The following RNF121 variants were observed in gnomAD, a reference collection of about 807,000 sequenced individuals.
RNF121 encodes ring finger protein 121, also known as E3 ubiquitin ligase RNF121.
RNF121 carries 21 observed loss-of-function variants against 46.5 expected under a neutral mutation model. The observed-to-expected ratio is 0.45, with a 90% confidence interval of 0.32 to 0.65. The LOEUF is 0.65. Ranked by LOEUF, RNF121 falls within the 30% of genes least tolerant of loss-of-function variation. The probability of loss-of-function intolerance (pLI) is 0.04; values close to 1 mark genes in which losing one functional copy is unlikely to be tolerated. For synonymous variants in RNF121, 139 were observed against 144.7 expected, an observed-to-expected ratio of 0.96 and a Z score of 0.28; for missense variants, 346 against 416.0, an observed-to-expected ratio of 0.83 and a Z score of 1.46.
At chr11:71,984,885 C>T (rs1394536658) in intron 4 of RNF121, among the ~76,000 whole-genome samples, 1 of 151,024 alleles carries the variant, frequency 6.6e-6, no homozygotes, top group East Asian at 1.9e-4. Context: ...CCACGCCCAG[C>T]CCTGTAACTA....
chr11:71,985,230 A>G (rs1954749952), intron 4 of RNF121, among the ~76,000 whole-genome samples: 2 of 152,160 alleles, frequency 1.3e-5, no homozygotes. Context: ...CCTGCCCTCA[A>G]AGCACTTTTG....
intron 3 of RNF121, among the ~76,000 whole-genome samples, chr11:71,980,575 G>C (rs760520410): frequency 1.3e-4 from 20 of 152,132 alleles, no homozygotes; most frequent in Admixed American, 7.9e-4. Context: ...TTAAACTCCT[G>C]ACCTAAGGTG....
chr11:71,982,611 T>C (rs1954688198), intron 3 of RNF121, 150 bp from the exon 4 acceptor site: 1 of 740,282 alleles, frequency 1.4e-6, no homozygotes, highest in Non-Finnish European at 2.1e-6. Context: ...CCTAAGTCTC[T>C]GACTTGGATC....
chr11:71,980,317 T>A (rs1954622714), intron 3 of RNF121, among the ~76,000 whole-genome samples: 1 of 149,276 alleles, frequency 6.7e-6, no homozygotes, highest in African/African-American at 2.5e-5. Context: ...TTCTGTTCTC[T>A]TCTCACTGTT....
intron 4 of RNF121, 175 bp downstream of exon 4, chr11:71,983,090 T>TA (rs1286532877): frequency 3.5e-5 from 16 of 455,940 alleles, no homozygotes; most frequent in Middle Eastern, 5.6e-4. Context: ...ATTTATCGAT[T>TA]AAAAACCTCA....
chr11:71,969,813 C>T (rs191701674), intron 3 of RNF121, among the ~76,000 whole-genome samples: 2 of 152,206 alleles, frequency 1.3e-5, no homozygotes, highest in Non-Finnish European at 2.9e-5. Flanking sequence ...GCAGTCCTCC[C>T]ACCTTGGCCT....
At chr11:71,935,139 C>G (rs1590764586) in intron 1 of RNF121, among the ~76,000 whole-genome samples, 1 of 152,072 alleles carries the variant, frequency 6.6e-6, no homozygotes, top group Non-Finnish European at 1.5e-5. Context: ...CACCATGTTG[C>G]TCAGACTGGT....
chr11:71,961,930 T>C (rs1165276813), intron 3 of RNF121, among the ~76,000 whole-genome samples: 1 of 151,864 alleles, frequency 6.6e-6, no homozygotes, highest in Non-Finnish European at 1.5e-5. Context: ...TATGTAGAAA[T>C]ATTTTTAATT....
intron 6 of RNF121, among the ~76,000 whole-genome samples, chr11:71,994,263 G>C (rs190069417): frequency 6.6e-6 from 1 of 152,178 alleles, no homozygotes; most frequent in Non-Finnish European, 1.5e-5. Flanking sequence ...ACAAATGTCT[G>C]AGAATGCCCT....
At chr11:71,957,577 A>G (rs1240212794) in intron 2 of RNF121, among the ~76,000 whole-genome samples, 1 of 152,230 alleles carries the variant, frequency 6.6e-6, no homozygotes, top group East Asian at 1.9e-4. Flanking sequence ...GAGGATCATA[A>G]CAATATCTAT....
At chr11:71,995,386 A>C (rs1954953759) in intron 7 of RNF121, 64 bp from the exon 8 acceptor site, 4 of 1,339,412 alleles carry the variant, frequency 3.0e-6, no homozygotes, top group Non-Finnish European at 4.2e-6. Context: ...GAACCTTTCA[A>C]AGACTGTCTG....
At chr11:71,934,506 TTTTG>T (rs766271130) in intron 1 of RNF121, among the ~76,000 whole-genome samples, 24 of 152,262 alleles carry the variant, frequency 1.6e-4, no homozygotes, top group Non-Finnish European at 2.1e-4. Flanking sequence ...ATCACTGGTT[TTTTG>T]TTTGTTTGTT....
At chr11:71,988,509 A>G (rs533597434) in intron 5 of RNF121, among the ~76,000 whole-genome samples, 3 of 152,200 alleles carry the variant, frequency 2.0e-5, no homozygotes, top group Admixed American at 6.5e-5. Flanking sequence ...TAGGACAAGT[A>G]AAAATAAATC....
At chr11:71,957,367 G>A in intron 2 of RNF121, 103 bp downstream of exon 2, 1 of 801,258 alleles carries the variant, frequency 1.2e-6, no homozygotes, top group South Asian at 1.3e-5. Flanking sequence ...GTAGGAGGCA[G>A]TGGCTCATGA....
intron 4 of RNF121, among the ~76,000 whole-genome samples, 176 bp from the exon 5 acceptor site, chr11:71,986,828 G>A (rs182519871): frequency 2.0e-5 from 3 of 151,604 alleles, no homozygotes; most frequent in South Asian, 2.1e-4. Flanking sequence ...AGTATATGGA[G>A]GCATTTCTGC....
At chr11:71,929,617 C>T (rs935017489) in intron 1 of RNF121, among the ~76,000 whole-genome samples, 4 of 152,142 alleles carry the variant, frequency 2.6e-5, no homozygotes, top group African/African-American at 9.7e-5. Context: ...TTTATCGTTC[C>T]ATTCTAAGAC....
chr11:71,994,097 C>T (rs1954923962), intron 6 of RNF121, among the ~76,000 whole-genome samples: 1 of 152,142 alleles, frequency 6.6e-6, no homozygotes, highest in African/African-American at 2.4e-5. Context: ...TCCTTGGCCT[C>T]CCAAAGTGCT....
intron 3 of RNF121, among the ~76,000 whole-genome samples, chr11:71,980,834 T>G (rs1241677318): frequency 1.3e-5 from 2 of 152,120 alleles, no homozygotes; most frequent in African/African-American, 2.4e-5. Flanking sequence ...AAAGCCTTAG[T>G]ACCAAAAAAA....
chr11:71,953,461 G>C (rs1381556958), intron 1 of RNF121, among the ~76,000 whole-genome samples: 3 of 152,166 alleles, frequency 2.0e-5, no homozygotes, highest in Non-Finnish European at 4.4e-5. Context: ...GTGAGTGCTG[G>C]GATGTAGTAG....
Sources: gnomAD v4.1 joint callset for allele counts (sites outside exome capture counted in the v4.1 genomes callset) on GRCh38, gnomAD v4.1.1 for gene constraint, MANE v1.5 for transcripts, NCBI Gene and HGNC (gene_info 2026-07-23, HGNC 2026-07-21) for gene names.